The following BEAN1 variants were observed in gnomAD, a reference collection of about 807,000 sequenced individuals.
BEAN1 encodes protein BEAN1.
In BEAN1, 17 loss-of-function variants were observed where a neutral mutation model predicts 17.7. The observed-to-expected ratio is 0.96, with a 90% CI of 0.66 to 1.44. The LOEUF is 1.44. Ranked by LOEUF, BEAN1 falls within the 40% of genes most tolerant of loss-of-function variation. BEAN1 has a pLI of 0.00. For synonymous variants in BEAN1, 142 were observed against 151.8 expected (o/e 0.94, Z 0.47); for missense variants, 359 against 374.1 (o/e 0.96, Z 0.33).
At chr16:66,436,253 CT>C (rs1381645779) in intron 1 of BEAN1, among the ~76,000 whole-genome samples, 1 of 148,520 alleles carries the variant, frequency 6.7e-6, no homozygotes, top group African/African-American at 2.5e-5. Context: ...GAATGGGCTA[CT>C]TTTTTTCTTT....
At position 66,481,521 on chromosome 16, in the gene BEAN1, C is replaced by G. The variant is rs1963986147; in HGVS notation, c.*596C>G. On this transcript the variant is annotated 3_prime_UTR_variant, in exon 5 of 5. Transcript: ENST00000536005. The surrounding 1 kb of genome is among the most constrained non-coding windows in gnomAD (Gnocchi z 4.1). The stretch of plus-strand genomic sequence containing the variant: ...CACAACATCACCACCCTGCCACTTA[C>G]AAGGTGGGGGACCTGGGTCTGGGGT... 3.0e-6 allele frequency: 1 copy of G among 331,704 alleles called. No homozygotes were observed. The highest frequency in any genetic ancestry group is 4.6e-5 in the East Asian group (1 of 21,734). The allele number at this position is 331,704 out of a possible 1,614,324, so 20.5% of individuals were successfully genotyped here.
At chr16:66,479,279 C>G (rs1299643208) in intron 4 of BEAN1, 3 of 152,470 alleles carry the variant, frequency 2.0e-5, no homozygotes, top group East Asian at 1.9e-4. Flanking sequence ...AGGACAGGAA[C>G]AGGTGGGGCT....
intron 3 of BEAN1, chr16:66,475,693 CA>C (rs1463151250): frequency 2.0e-4 from 30 of 152,214 alleles, no homozygotes; most frequent in African/African-American, 6.8e-4. Context: ...ACAGGAGAAA[CA>C]AATGGCATTT....
At chr16:66,435,193 C>T (rs1052987011) in intron 1 of BEAN1, among the ~76,000 whole-genome samples, 6 of 152,116 alleles carry the variant, frequency 3.9e-5, no homozygotes, top group East Asian at 1.9e-4. Flanking sequence ...TCAGGGCAGC[C>T]GGTCTCTGGG....
chr16:66,442,062 C>A (rs1333371378), intron 2 of BEAN1, among the ~76,000 whole-genome samples: 1 of 152,248 alleles, frequency 6.6e-6, no homozygotes, highest in Non-Finnish European at 1.5e-5. Flanking sequence ...TGACCCAGGG[C>A]AGCCCAGAGG....
rs1223799505 is a variant in BEAN1 at position 66,480,854 on chromosome 16, G to A, written c.709G>A (p.Gly237Arg). 1 of 1,505,750 alleles carries A rather than the reference G, an allele frequency of 6.6e-7. No individual in the cohort carries two copies. Among genetic ancestry groups the A allele is most frequent in the Non-Finnish European group, 8.9e-7 (1 of 1,121,214 alleles). 93.3% of individuals were successfully genotyped at this position (1,505,750 alleles called of 1,614,324 possible). The change falls in exon 5 of 5, where the codon GGG becomes AGG. Residue 237 changes from glycine to arginine, a missense_variant. By Grantham distance (125) the Gly-to-Arg change is moderately radical (BLOSUM62 -2). Coordinates refer to ENST00000536005, the MANE Select transcript of BEAN1 (RefSeq NM_001178020.3). ...GCTGCCACTGCCGGGCCCAGACCCA[G>A]GGCCAAGGGGCTCCCAGGGCTCACC... Reference protein sequence around the residue: ...GLLPLPGPDPGPRGSQGSPTP... With the variant: ...GLLPLPGPDPRPRGSQGSPTP...
At chr16:66,433,323 C>T (rs1169222227) in intron 1 of BEAN1, among the ~76,000 whole-genome samples, 1 of 152,104 alleles carries the variant, frequency 6.6e-6, no homozygotes, top group Non-Finnish European at 1.5e-5. Context: ...GTTGGCCAGG[C>T]TGGTCTCCTA....
intron 1 of BEAN1, among the ~76,000 whole-genome samples, chr16:66,433,535 T>C (rs1403501115): frequency 1.3e-5 from 2 of 152,102 alleles, no homozygotes. Context: ...GCCTCCTGTT[T>C]CCCTCACCTG....
rs537913280 is a variant in BEAN1 at position 66,482,725 on chromosome 16, T to C, written c.*1800T>C. 52 of 381,128 alleles carry C rather than the reference T, an allele frequency of 1.4e-4. No individual in the cohort carries two copies. The highest frequency in any genetic ancestry group is 1.0e-3 in the South Asian group (51 of 49,344). The allele number at this position is 381,128 out of a possible 1,614,324, so 23.6% of individuals were successfully genotyped here. A position where few individuals can be genotyped will look rare whatever the true frequency, so the allele number is the denominator to read the frequency against. ...TCAGTGTTTGAAAGATGGAGCTGAATAGCTTTTCTTGTTCCTGGACTAGGC... is the reference window on the plus strand; with the variant it reads ...TCAGTGTTTGAAAGATGGAGCTGAACAGCTTTTCTTGTTCCTGGACTAGGC... On this transcript the variant is annotated 3_prime_UTR_variant, in exon 5 of 5. Transcript: ENST00000536005.
Position 66,427,457 on chromosome 16 carries a change from C to CG in BEAN1, c.-83+31dup, listed in dbSNP as rs1961621496. 7.4e-6 allele frequency: 1 copy of CG among 135,418 alleles called. No homozygotes were observed. Among genetic ancestry groups the CG allele is most frequent in the Non-Finnish European group, 1.6e-5 (1 of 61,666 alleles). The allele number at this position is 135,418 out of a possible 1,614,324, so 8.4% of individuals were successfully genotyped here. A position where few individuals can be genotyped will look rare whatever the true frequency, so the allele number is the denominator to read the frequency against. ...GTAAGGGGCGTGGGGCTGGGCGGCG[C>CG]GGGGGAGGGGCGGGCGGGGGGTCCC... On this transcript the variant is annotated intron_variant, in intron 1 of 4. Coordinates refer to ENST00000536005, the MANE Select transcript of BEAN1 (RefSeq NM_001178020.3). The surrounding 1 kb of genome is among the most constrained non-coding windows in gnomAD (Gnocchi z 4.7).
chr16:66,476,140 A>T (rs1161859578), intron 3 of BEAN1: 1 of 152,212 alleles, frequency 6.6e-6, no homozygotes, highest in Non-Finnish European at 1.5e-5. Context: ...AAAAGAAAAA[A>T]AGAAAAAGAA....
chr16:66,490,396 C>CAATAAAGTAAAATAAAATAAAATAA, intron 4 of BEAN1, among the ~76,000 whole-genome samples: 1 of 67,582 alleles, frequency 1.5e-5, no homozygotes, highest in Non-Finnish European at 3.0e-5. Flanking sequence ...GACTCTGTTT[C>CAATAAAGTAAAATAAAATAAAATAA]AATAAAATAA....
At position 66,488,086 on chromosome 16, in the gene BEAN1, C is replaced by G. The variant is rs557090816; in HGVS notation, c.148-4876C>G. Among the ~76,000 whole-genome samples, 12 of 152,266 alleles carry G rather than the reference C, an allele frequency of 7.9e-5. No individual in the cohort carries two copies. The East Asian group carries it at 1.9e-3, about 24-fold the overall frequency. ...AGCGTTCTCACCCTCACTGTCTCAG[C>G]CACCCTGGGAAAGATGAGAGTGGCT... On this transcript the variant is annotated intron_variant, in intron 4 of 4. Transcript: ENST00000561796.
chr16:66,452,518 C>T (rs1205498864), intron 2 of BEAN1, among the ~76,000 whole-genome samples: 1 of 152,260 alleles, frequency 6.6e-6, no homozygotes, highest in Non-Finnish European at 1.5e-5. Flanking sequence ...ACCAGAAAGG[C>T]CTAAAGGAGT....
chr16:66,483,737 T>G (rs1339248163), downstream of BEAN1: 1 of 152,112 alleles, frequency 6.6e-6, no homozygotes, highest in African/African-American at 2.4e-5. Context: ...TAATATAGTC[T>G]TAGACCCCAA....
intron 1 of BEAN1, among the ~76,000 whole-genome samples, chr16:66,435,586 C>T (rs1431912210): frequency 6.6e-6 from 1 of 152,100 alleles, no homozygotes; most frequent in East Asian, 1.9e-4. Flanking sequence ...CTCCCAGGTT[C>T]AAGCGATTCT....
At chr16:66,478,617 A>AAAT (rs896625268) in intron 4 of BEAN1, among the ~76,000 whole-genome samples, 3 of 152,162 alleles carry the variant, frequency 2.0e-5, no homozygotes, top group Admixed American at 1.3e-4. Context: ...AATAATAATA[A>AAAT]AATAATAATA....
In BEAN1 at chr16:66,480,071, AC is replaced by A. The variant is rs143264417; in HGVS notation, c.441-511del. Among the ~76,000 whole-genome samples, 1,024 of 152,014 alleles carry A rather than the reference AC, an allele frequency of 6.7e-3. 13 individuals carry two copies. The highest frequency in any genetic ancestry group is 0.024 in the African/African-American group (980 of 41,480). On this transcript the variant is annotated intron_variant, in intron 4 of 4. Coordinates refer to ENST00000536005, the MANE Select transcript of BEAN1 (RefSeq NM_001178020.3). ...TCCTCCTCCTTGGCCTTCCACCTTC[AC>A]CCCTGCCCCAGGGGCTCGAGCAGGG...
chr16:66,485,067 C>A (rs1270287827), downstream of BEAN1: 1 of 454,024 alleles, frequency 2.2e-6, no homozygotes, highest in African/African-American at 2.0e-5. Flanking sequence ...TGCTGCCACA[C>A]ACAAGCAACA....
Sources: allele counts gnomAD v4.1 joint callset (sites outside exome capture counted in the v4.1 genomes callset), GRCh38; gene constraint gnomAD v4.1.1; non-coding constraint Gnocchi (gnomAD v3.1); transcripts MANE v1.5; gene names NCBI Gene and HGNC (gene_info 2026-07-23, HGNC 2026-07-21).